The following CBX7 variants were observed in gnomAD, a reference collection of about 807,000 sequenced individuals.
CBX7 encodes chromobox protein homolog 7.
CBX7 carries 14 observed loss-of-function variants against 31.4 expected under a neutral mutation model. That is an observed-to-expected ratio of 0.45 (90% CI 0.29 to 0.70). The LOEUF (loss-of-function observed/expected upper bound fraction) is 0.70, where lower values mean the gene tolerates loss of function less well. CBX7 is among the 30% of genes least tolerant of loss of function. The pLI is 0.11. For synonymous variants in CBX7, 159 were observed against 152.6 expected (o/e 1.04, Z -0.31); for missense variants, 269 against 351.9 (o/e 0.76, Z 1.89).
chr22:39,148,518 T>C (rs1297595857), intron 2 of CBX7: 3 of 152,210 alleles, frequency 2.0e-5, no homozygotes, highest in African/African-American at 4.8e-5. Context: ...ACTCTGGGCA[T>C]CGTCACTCCC....
chr22:39,144,846 C>G (rs1930585830), intron 2 of CBX7, among the ~76,000 whole-genome samples: 1 of 152,260 alleles, frequency 6.6e-6, no homozygotes, highest in African/African-American at 2.4e-5. Flanking sequence ...CAGGACCGCA[C>G]CCATCCTCAA....
At chr22:39,149,037 T>TCCCTCC (rs139399) in intron 2 of CBX7, 104,204 of 151,786 alleles carry the variant, frequency 0.69, 37,068 homozygotes, top group African/African-American at 0.9. Context: ...ACTAGCTCAT[T>TCCCTCC]CCCTCCCAAC....
chr22:39,140,321 CTTACCACGCTCCA>C (rs1238606005), intron 3 of CBX7, among the ~76,000 whole-genome samples: 2 of 152,226 alleles, frequency 1.3e-5, no homozygotes, highest in Non-Finnish European at 2.9e-5. Context: ...CACTGCTCTC[CTTACCACGCTCCA>C]TGGGATTCCC....
chr22:39,138,741 T>G (rs774215418), intron 3 of CBX7, 39 bp from the exon 4 acceptor site: 79 of 1,587,398 alleles, frequency 5.0e-5, no homozygotes, highest in Non-Finnish European at 6.6e-5. Flanking sequence ...AAGGAAACAC[T>G]GGTGACATCT....
At position 39,131,636 on chromosome 22, in the gene CBX7, C is replaced by A. The variant is rs1039875952; in HGVS notation, c.*2255G>T. The A allele has an allele frequency of 6.6e-6, 1 of 151,852 alleles. No individual in the cohort carries two copies. The highest frequency in any genetic ancestry group is 2.4e-5 in the African/African-American group (1 of 41,048). 9.4% of individuals were successfully genotyped at this position (151,852 alleles called of 1,614,324 possible). Reference sequence around the variant, plus strand: ...CCTGAGCCACGGAGTTCCCCATGGGCCATAAAGGGCTGAGTAAGAGGAAAG... The same window carrying A: ...CCTGAGCCACGGAGTTCCCCATGGGACATAAAGGGCTGAGTAAGAGGAAAG... On this transcript the variant is annotated 3_prime_UTR_variant, in exon 6 of 6. Transcript: ENST00000216133.
rs1411760201 is a variant in CBX7, at chr22:39,132,774, T to G, written c.*1117A>C. On this transcript the variant is annotated 3_prime_UTR_variant, in exon 6 of 6. Transcript: ENST00000216133. ...CCTCCCTGACTGCCCACACCTGGGT[T>G]GGCTGAGTTGGAGGGGAGGGCAGAA... 1 of 152,710 alleles carries G rather than the reference T, an allele frequency of 6.5e-6. No homozygotes were observed. 9.5% of individuals were successfully genotyped at this position (152,710 alleles called of 1,614,324 possible). A position where few individuals can be genotyped will look rare whatever the true frequency, so the allele number is the denominator to read the frequency against.
At chr22:39,146,529 T>C (rs932270940) in intron 2 of CBX7, among the ~76,000 whole-genome samples, 2 of 152,264 alleles carry the variant, frequency 1.3e-5, no homozygotes, top group Admixed American at 6.5e-5. Context: ...CACTTCTCAC[T>C]GAACTGGCCA....
At chr22:39,151,538 G>A (rs1361349036) in intron 1 of CBX7, among the ~76,000 whole-genome samples, 1 of 152,194 alleles carries the variant, frequency 6.6e-6, no homozygotes, top group African/African-American at 2.4e-5. Context: ...AGTCGGCCTG[G>A]AGCCTCCCAA....
chr22:39,137,963 T>C (rs1281968676), intron 4 of CBX7, among the ~76,000 whole-genome samples: 4 of 152,008 alleles, frequency 2.6e-5, no homozygotes, highest in African/African-American at 9.7e-5. Context: ...GGGCGGATCA[T>C]GAGGTCAGGA....
At position 39,131,506 on chromosome 22, in the gene CBX7, T is replaced by G. The variant is rs974239524; in HGVS notation, c.*2385A>C. 6.6e-6 allele frequency: 1 copy of G among 152,510 alleles called. No individual in the cohort carries two copies. Among genetic ancestry groups the G allele is most frequent in the Admixed American group, 6.5e-5 (1 of 15,268 alleles). 9.4% of individuals were successfully genotyped at this position (152,510 alleles called of 1,614,324 possible). On this transcript the variant is annotated 3_prime_UTR_variant, in exon 6 of 6. Coordinates refer to ENST00000216133, the MANE Select transcript of CBX7 (RefSeq NM_175709.5). ...ATGGTCCTAACGGCCCACAGCCTTT[T>G]CCCCCAGGGAGCTGGCTCACTACAG...
At chr22:39,139,730 G>A (rs1284336053) in intron 3 of CBX7, among the ~76,000 whole-genome samples, 27 of 108,194 alleles carry the variant, frequency 2.5e-4, no homozygotes, top group South Asian at 5.9e-4. Context: ...AAGAAAGAAA[G>A]AAAAAGAAAA....
At position 39,132,990 on chromosome 22, in the gene CBX7, G is replaced by T. The variant is rs572298128; in HGVS notation, c.*901C>A. On this transcript the variant is annotated 3_prime_UTR_variant, in exon 6 of 6. Coordinates refer to ENST00000216133, the MANE Select transcript of CBX7 (RefSeq NM_175709.5). ...CACATCTGTATGCCTGGAGCATGGGGTGCCATCGCACCTGTGCCAGACCCC... is the reference window on the plus strand; with the variant it reads ...CACATCTGTATGCCTGGAGCATGGGTTGCCATCGCACCTGTGCCAGACCCC... 1.3e-5 allele frequency: 2 copies of T among 152,490 alleles called. No homozygotes were observed. Among genetic ancestry groups the T allele is most frequent in the African/African-American group, 2.4e-5 (1 of 41,580 alleles). The allele number at this position is 152,490 out of a possible 1,614,324, so 9.4% of individuals were successfully genotyped here. A position where few individuals can be genotyped will look rare whatever the true frequency, so the allele number is the denominator to read the frequency against.
chr22:39,132,074 C>A lies in CBX7; in HGVS notation c.*1817G>T, dbSNP rs1930062420. On this transcript the variant is annotated 3_prime_UTR_variant, in exon 6 of 6. Transcript: ENST00000216133. ...TGGGCTGGAGGTGAATCAGGTCATC[C>A]CGGAGGGGACTGTCCCCCAATGGAA... 1 of 152,340 alleles carries A rather than the reference C, an allele frequency of 6.6e-6. No individual in the cohort carries two copies. Among genetic ancestry groups the A allele is most frequent in the East Asian group, 1.9e-4 (1 of 5,178 alleles). 9.4% of individuals were successfully genotyped at this position (152,340 alleles called of 1,614,324 possible).
Position 39,138,628 on chromosome 22 carries a change from C to T in CBX7, c.246+8G>A, listed in dbSNP as rs371169136. On this transcript the variant is annotated splice_region_variant and intron_variant, in intron 4 of 5. Transcript: ENST00000216133. ...GGGAGAAAGGAGGCACAAAGGCAGG[C>T]TGGTTACCTGCAGCAGAAGCCGCTT... The T allele has an allele frequency of 1.9e-4, 301 of 1,613,792 alleles. 1 individual carries two copies. The African/African-American group carries it at 3.4e-3, about 18-fold the overall frequency.
chr22:39,152,333 G>A lies in CBX7; in HGVS notation c.69+43C>T. On this transcript the variant is annotated intron_variant, in intron 1 of 5. Transcript: ENST00000216133. The surrounding 1 kb of genome is among the most constrained non-coding windows in gnomAD (Gnocchi z 4.9). ...GAGGGAGCGGTGCTGGGGACGGGAGGGACCCCACTGGGGTCCTGGGAGCCG... is the reference window on the plus strand; with the variant it reads ...GAGGGAGCGGTGCTGGGGACGGGAGAGACCCCACTGGGGTCCTGGGAGCCG... The A allele has an allele frequency of 1.5e-6, 2 of 1,295,082 alleles. No individual in the cohort carries two copies. The highest frequency in any genetic ancestry group is 2.0e-6 in the Non-Finnish European group (2 of 1,000,532). The allele number at this position is 1,295,082 out of a possible 1,614,324, so 80.2% of individuals were successfully genotyped here. A position where few individuals can be genotyped will look rare whatever the true frequency, so the allele number is the denominator to read the frequency against.
intron 2 of CBX7, among the ~76,000 whole-genome samples, chr22:39,143,574 T>C (rs952788923): frequency 6.6e-5 from 10 of 152,244 alleles, no homozygotes; most frequent in Non-Finnish European, 8.8e-5. Context: ...GTAGCGTAAG[T>C]GTACAATGTT....
chr22:39,144,648 T>C (rs908849998), intron 2 of CBX7, among the ~76,000 whole-genome samples: 2 of 152,182 alleles, frequency 1.3e-5, no homozygotes, highest in Non-Finnish European at 2.9e-5. Context: ...CTCCTCACTC[T>C]AACTGGTAGG....
chr22:39,141,822 G>T (rs1930468260), intron 2 of CBX7, among the ~76,000 whole-genome samples: 1 of 151,672 alleles, frequency 6.6e-6, no homozygotes, highest in Non-Finnish European at 1.5e-5. Flanking sequence ...CTGACCCAGT[G>T]CCCACTGCAA....
In CBX7 at chr22:39,138,638, G is replaced by C. The variant is rs1345490396; in HGVS notation, c.244C>G (p.Gln82Glu). The stretch of plus-strand genomic sequence containing the variant: ...AGGCACAAAGGCAGGCTGGTTACCT[G>C]CAGCAGAAGCCGCTTGGGTTTCGGA... ...RGPKPKRLLLQRLYSMDLRSS... is the reference protein window; with the variant it reads ...RGPKPKRLLLERLYSMDLRSS... The change falls in exon 4 of 6, where the codon CAG (glutamine) becomes GAG (glutamate). Residue 82 changes from glutamine to glutamate, a missense_variant and splice_region_variant. By Grantham distance (29) the Gln-to-Glu change is conservative. Transcript: ENST00000216133. The C allele has an allele frequency of 6.2e-7, 1 of 1,614,002 alleles. No homozygotes were observed. Among genetic ancestry groups the C allele is most frequent in the African/African-American group, 1.3e-5 (1 of 74,918 alleles).
Sources: gnomAD v4.1 joint callset for allele counts (sites outside exome capture counted in the v4.1 genomes callset) on GRCh38, gnomAD v4.1.1 for gene constraint, Gnocchi (gnomAD v3.1) non-coding constraint, MANE v1.5 for transcripts, NCBI Gene and HGNC (gene_info 2026-07-23, HGNC 2026-07-21) for gene names.